Variants in ATXN1 observed in about 807,000 individuals in gnomAD.
The protein encoded by ATXN1 is ataxin 1.
In ATXN1, 8 loss-of-function variants were observed where a neutral mutation model predicts 56.4. The ratio of observed to expected loss-of-function variants is 0.14; its 90% confidence interval spans 0.08 to 0.26. The LOEUF is 0.26. ATXN1 is among the 10% of genes least tolerant of loss of function. ATXN1 has a pLI of 1.00. For synonymous variants in ATXN1, 514 were observed against 494.6 expected, an observed-to-expected ratio of 1.04 and a Z score of -0.52; for missense variants, 987 against 1,106.5, an observed-to-expected ratio of 0.89 and a Z score of 1.53.
chr6:16,466,527 T>C (rs958371506), intron 6 of ATXN1, among the ~76,000 whole-genome samples: 10 of 152,126 alleles, frequency 6.6e-5, no homozygotes, highest in Admixed American at 5.9e-4. Flanking sequence ...ATCGAAGAAC[T>C]TTCACTCTTA....
At chr6:16,310,995 G>A (rs550044730) in intron 7 of ATXN1, among the ~76,000 whole-genome samples, 1 of 152,194 alleles carries the variant, frequency 6.6e-6, no homozygotes, top group Admixed American at 6.5e-5. Context: ...ATTTTTAGAA[G>A]AGACAACTTG....
Position 16,566,962 on chromosome 6 carries a change from T to C in ATXN1, c.-361+18818A>G, listed in dbSNP as rs567266261. Reference sequence around the variant, plus strand: ...TCCTGGCATCGTAAGTTGTCTTTCATATGCTTTGGCATTCAATGCTCAGTA... The same window carrying C: ...TCCTGGCATCGTAAGTTGTCTTTCACATGCTTTGGCATTCAATGCTCAGTA... On this transcript the variant is annotated intron_variant, in intron 4 of 7. Coordinates refer to ENST00000436367, the MANE Select transcript of ATXN1 (RefSeq NM_001128164.2). 3.2e-4 allele frequency among the ~76,000 whole-genome samples: 48 copies of C among 152,358 alleles called. No homozygotes were observed. In the South Asian group the frequency reaches 9.3e-3, roughly 30 times the overall value.
chr6:16,724,013 C>T (rs997944565), intron 2 of ATXN1, among the ~76,000 whole-genome samples: 2 of 152,152 alleles, frequency 1.3e-5, no homozygotes, highest in Admixed American at 6.5e-5. Flanking sequence ...GATGACTTCA[C>T]GTTCAAAAGA....
chr6:16,489,211 CA>C (rs1640548641), intron 5 of ATXN1, among the ~76,000 whole-genome samples: 1 of 152,306 alleles, frequency 6.6e-6, no homozygotes, highest in South Asian at 2.1e-4. Context: ...AACCTCCTAA[CA>C]GCATCTAGTG....
chr6:16,438,511 C>A (rs1414173862), intron 6 of ATXN1, among the ~76,000 whole-genome samples: 1 of 152,180 alleles, frequency 6.6e-6, no homozygotes, highest in Non-Finnish European at 1.5e-5. Flanking sequence ...GATGTTCAAT[C>A]CATCTCCCTT....
intron 3 of ATXN1, among the ~76,000 whole-genome samples, chr6:16,611,044 T>C (rs569918892): frequency 6.6e-6 from 1 of 151,912 alleles, no homozygotes; most frequent in Non-Finnish European, 1.5e-5. Flanking sequence ...GAAAAATATA[T>C]ACACATATAA....
intron 3 of ATXN1, among the ~76,000 whole-genome samples, chr6:16,609,111 A>T (rs1763060767): frequency 6.6e-6 from 1 of 152,220 alleles, no homozygotes; most frequent in African/African-American, 2.4e-5. Flanking sequence ...GTGTGTTGGG[A>T]TTCTCTTTCT....
At chr6:16,715,244 C>A (rs1034854317) in intron 2 of ATXN1, among the ~76,000 whole-genome samples, 5 of 152,158 alleles carry the variant, frequency 3.3e-5, no homozygotes, top group African/African-American at 1.2e-4. Flanking sequence ...ATGCTACATG[C>A]GTTCAGACAT....
intron 6 of ATXN1, among the ~76,000 whole-genome samples, chr6:16,357,169 A>T (rs1373483480): frequency 2.6e-5 from 4 of 152,142 alleles, no homozygotes; most frequent in Non-Finnish European, 4.4e-5. Flanking sequence ...AAACAGGCCT[A>T]GAGACAAATA....
At chr6:16,487,974 T>G (rs1760583936) in intron 5 of ATXN1, among the ~76,000 whole-genome samples, 2 of 152,172 alleles carry the variant, frequency 1.3e-5, no homozygotes, top group Admixed American at 6.5e-5. Flanking sequence ...ATTTCTCTCT[T>G]TTTTATTTTG....
chr6:16,356,291 T>C (rs1761687266), intron 6 of ATXN1, among the ~76,000 whole-genome samples: 1 of 152,176 alleles, frequency 6.6e-6, no homozygotes, highest in South Asian at 2.1e-4. Flanking sequence ...ATTCTATGAC[T>C]CAGAAGGTTC....
chr6:16,564,000 G>A (rs1762168100), intron 4 of ATXN1, among the ~76,000 whole-genome samples: 1 of 152,150 alleles, frequency 6.6e-6, no homozygotes, highest in South Asian at 2.1e-4. Context: ...ATCATATCAT[G>A]AGGGAGTCAA....
intron 6 of ATXN1, among the ~76,000 whole-genome samples, chr6:16,342,278 T>C (rs1761267569): frequency 6.6e-6 from 1 of 151,956 alleles, no homozygotes. Flanking sequence ...CTTAAAATTA[T>C]ATGCTATGTC....
At chr6:16,696,720 G>C (rs920705870) in intron 2 of ATXN1, among the ~76,000 whole-genome samples, 1 of 152,162 alleles carries the variant, frequency 6.6e-6, no homozygotes, top group Non-Finnish European at 1.5e-5. Context: ...ACCTATGATG[G>C]GAAAAAATAA....
intron 7 of ATXN1, among the ~76,000 whole-genome samples, chr6:16,319,353 C>T (rs1581686129): frequency 6.6e-6 from 1 of 152,198 alleles, no homozygotes; most frequent in Admixed American, 6.5e-5. Context: ...GAAAAGGCGA[C>T]ATACCGGATG....
chr6:16,392,385 T>C (rs749536239), intron 6 of ATXN1, among the ~76,000 whole-genome samples: 11 of 152,180 alleles, frequency 7.2e-5, no homozygotes, highest in Non-Finnish European at 1.2e-4. Context: ...GTCATAAAAG[T>C]GTTTCTAAAG....
intron 6 of ATXN1, among the ~76,000 whole-genome samples, chr6:16,437,273 T>C (rs1485436623): frequency 3.3e-5 from 5 of 152,238 alleles, no homozygotes; most frequent in African/African-American, 1.2e-4. Flanking sequence ...CTCTGATTGT[T>C]CCACTTGTGA....
intron 3 of ATXN1, among the ~76,000 whole-genome samples, chr6:16,652,684 C>A (rs1031544511): frequency 6.6e-6 from 1 of 152,164 alleles, no homozygotes; most frequent in Non-Finnish European, 1.5e-5. Flanking sequence ...TTCTGCAACC[C>A]AAAAACAGCC....
At chr6:16,392,213 T>C (rs1581732023) in intron 6 of ATXN1, among the ~76,000 whole-genome samples, 2 of 152,240 alleles carry the variant, frequency 1.3e-5, no homozygotes, top group African/African-American at 4.8e-5. Flanking sequence ...CTGTTTAATT[T>C]GGAGGAAATT....
Sources: gnomAD v4.1 joint callset for allele counts (sites outside exome capture counted in the v4.1 genomes callset) on GRCh38, gnomAD v4.1.1 for gene constraint, MANE v1.5 for transcripts, NCBI Gene and HGNC (gene_info 2026-07-23, HGNC 2026-07-21) for gene names.